The following MED12L variants were observed in gnomAD, a reference collection of about 807,000 sequenced individuals.
MED12L encodes the protein mediator complex subunit 12L, also known as mediator of RNA polymerase II transcription subunit 12-like protein.
A neutral mutation model predicts 281.3 loss-of-function variants in MED12L; 60 were observed. The observed-to-expected ratio is 0.21, with a 90% confidence interval of 0.17 to 0.26. The LOEUF (loss-of-function observed/expected upper bound fraction) is 0.26. Ranked by LOEUF, MED12L falls within the 10% of genes least tolerant of loss-of-function variation. The pLI, the probability that MED12L is intolerant of heterozygous loss-of-function variation, is 1.00. For missense variants in MED12L, 2,146 were observed against 2,680.9 expected, an observed-to-expected ratio of 0.80 and a Z score of 4.41; for synonymous variants, 974 against 987.2, an observed-to-expected ratio of 0.99 and a Z score of 0.25.
intron 16 of MED12L, among the ~76,000 whole-genome samples, chr3:151,266,659 T>G (rs989397079): frequency 3.3e-5 from 5 of 152,278 alleles, no homozygotes; most frequent in Admixed American, 6.5e-5. Context: ...GATGAGCAAG[T>G]GATATGAACA....
intron 16 of MED12L, among the ~76,000 whole-genome samples, chr3:151,202,469 G>A (rs890423601): frequency 1.1e-4 from 17 of 152,154 alleles, no homozygotes; most frequent in Admixed American, 6.5e-4. Context: ...TCAAGAGTTC[G>A]AGACCAGCCT....
At chr3:151,256,010 A>G (rs1192697174) in intron 16 of MED12L, among the ~76,000 whole-genome samples, 1 of 152,202 alleles carries the variant, frequency 6.6e-6, no homozygotes, top group African/African-American at 2.4e-5. Context: ...TCTTTTTACT[A>G]TGACAGGCTA....
At chr3:151,160,463 T>C (rs1325950913) in intron 8 of MED12L, among the ~76,000 whole-genome samples, 1 of 152,206 alleles carries the variant, frequency 6.6e-6, no homozygotes, top group East Asian at 1.9e-4. Flanking sequence ...TTGGGTTGGT[T>C]GCCTGTCTGT....
At chr3:151,104,381 C>A (rs1240031250) in intron 2 of MED12L, among the ~76,000 whole-genome samples, 26 of 152,254 alleles carry the variant, frequency 1.7e-4, no homozygotes, top group African/African-American at 5.8e-4. Flanking sequence ...TCTTCCCCAG[C>A]CTCCTTTAAA....
chr3:151,434,725 CTTT>C lies in MED12L; in HGVS notation c.*1922_*1924del, dbSNP rs1719905686. The stretch of plus-strand genomic sequence containing the variant: ...TCCATCATTATTTCTTTCCAAATTT[CTTT>C]GCCAGTTCAGTTTGAACCATATATT... On this transcript the variant is annotated 3_prime_UTR_variant, in exon 45 of 45. Transcript: ENST00000687756. 6.6e-6 allele frequency: 1 copy of C among 152,182 alleles called. No homozygotes were observed. Among genetic ancestry groups the C allele is most frequent in the Admixed American group, 6.5e-5 (1 of 15,282 alleles). 9.4% of individuals were successfully genotyped at this position (152,182 alleles called of 1,614,324 possible). A position where few individuals can be genotyped will look rare whatever the true frequency, so the allele number is the denominator to read the frequency against.
intron 8 of MED12L, among the ~76,000 whole-genome samples, chr3:151,160,458 T>C (rs1221444116): frequency 6.6e-6 from 1 of 152,182 alleles, no homozygotes; most frequent in African/African-American, 2.4e-5. Context: ...ACATCTTGGG[T>C]TGGTTGCCTG....
chr3:151,398,340 T>A lies in MED12L; in HGVS notation c.5820+3473T>A, dbSNP rs116250595. 7.6e-3 allele frequency among the ~76,000 whole-genome samples: 1,154 copies of A among 152,296 alleles called. 14 individuals carry two copies. Among genetic ancestry groups the A allele is most frequent in the African/African-American group, 0.027 (1,117 of 41,554 alleles). ...ACAGAGTCCCCTTATCCTCTTTCTG[T>A]CTAGTGGGGGAAGTTGGCATATGCA... On this transcript the variant is annotated intron_variant, in intron 39 of 44. Transcript: ENST00000687756.
intron 11 of MED12L, among the ~76,000 whole-genome samples, chr3:151,178,181 A>AGAAAAAAAG (rs1722301971): frequency 1.3e-5 from 2 of 149,332 alleles, no homozygotes; most frequent in African/African-American, 5.0e-5. Context: ...AAAAAAAAAA[A>AGAAAAAAAG]AAAGAAAGTG....
intron 16 of MED12L, chr3:151,248,715 A>C (rs965740833): frequency 1.7e-4 from 26 of 152,178 alleles, no homozygotes; most frequent in Admixed American, 6.6e-5. Context: ...TTATTACTTG[A>C]ATTTGGAAAA....
chr3:151,254,536 T>C (rs1737464448), intron 16 of MED12L, among the ~76,000 whole-genome samples: 1 of 152,234 alleles, frequency 6.6e-6, no homozygotes. Flanking sequence ...TGTTAGCTGT[T>C]ATTATTTCAA....
chr3:151,315,578 G>A (rs1426031878), intron 16 of MED12L, among the ~76,000 whole-genome samples: 1 of 152,202 alleles, frequency 6.6e-6, no homozygotes, highest in African/African-American at 2.4e-5. Flanking sequence ...AGAAACAAGA[G>A]TCTGAGGATG....
At chr3:151,198,610 G>A in intron 16 of MED12L, 1 of 1,613,794 alleles carries the variant, frequency 6.2e-7, no homozygotes, top group African/African-American at 1.3e-5. Flanking sequence ...GTGAAATCCT[G>A]GTTGAGCAAT....
chr3:151,391,955 T>G (rs1714288725), intron 38 of MED12L, among the ~76,000 whole-genome samples: 1 of 152,342 alleles, frequency 6.6e-6, no homozygotes, highest in South Asian at 2.1e-4. Context: ...CTCTTTTTAA[T>G]GCCACGGTCC....
chr3:151,291,150 G>GTTTTTTTTTTTTTTT (rs59482240), intron 16 of MED12L, among the ~76,000 whole-genome samples: 2 of 127,556 alleles, frequency 1.6e-5, no homozygotes, highest in African/African-American at 5.7e-5. Context: ...CTTGTTTTCT[G>GTTTTTTTTTTTTTTT]TTTTTTTTTT....
Position 151,376,150 on chromosome 3 carries a change from A to G in MED12L, c.3989A>G (p.His1330Arg). The G allele has an allele frequency of 6.2e-7, 1 of 1,610,046 alleles. No homozygotes were observed. The highest frequency in any genetic ancestry group is 1.1e-5 in the South Asian group (1 of 90,390). The change falls in exon 28 of 45, where the codon CAT becomes CGT. Residue 1330 changes from histidine (H) to arginine (R), a missense_variant. Physicochemically the swap from His to Arg is conservative, Grantham distance 29. Around this residue, in one of 9 missense-constraint regions of MED12L, gnomAD observed 235 missense variants for 260.3 expected, o/e 0.90. Coordinates refer to ENST00000687756, the MANE Select transcript of MED12L (RefSeq NM_001393769.1). ...TTACTGCAGCTTATCTGTTATCCTC[A>G]TGGCATTAAAGAATGTACCGAGGGG... is the stretch of plus-strand genomic sequence containing the variant. Reference protein sequence around the residue: ...QKLLQLICYPHGIKECTEGDN... With the variant: ...QKLLQLICYPRGIKECTEGDN...
At chr3:151,303,789 A>G (rs28550804) in intron 16 of MED12L, among the ~76,000 whole-genome samples, 1 of 152,150 alleles carries the variant, frequency 6.6e-6, no homozygotes, top group African/African-American at 2.4e-5. Flanking sequence ...CAAAAAACCC[A>G]AAACCACACA....
chr3:151,136,583 T>C (rs367616786), intron 5 of MED12L, among the ~76,000 whole-genome samples: 137 of 152,292 alleles, frequency 9.0e-4, no homozygotes, highest in Non-Finnish European at 1.7e-3. Flanking sequence ...AATGGGGCTA[T>C]TGGGGGTGAG....
At chr3:151,275,394 A>G (rs545772020) in intron 16 of MED12L, among the ~76,000 whole-genome samples, 1 of 152,302 alleles carries the variant, frequency 6.6e-6, no homozygotes, top group African/African-American at 2.4e-5. Context: ...GGGTCAGAAC[A>G]TGATATCTAA....
At chr3:151,163,472 T>C (rs1199501151) in intron 8 of MED12L, among the ~76,000 whole-genome samples, 1 of 152,148 alleles carries the variant, frequency 6.6e-6, no homozygotes, top group Non-Finnish European at 1.5e-5. Context: ...TACTATTACA[T>C]GATTATTTGA....
Sources: gnomAD v4.1 joint callset for allele counts (sites outside exome capture counted in the v4.1 genomes callset) on GRCh38, gnomAD v4.1.1 for gene constraint, gnomAD v4.1.1 regional missense constraint, MANE v1.5 for transcripts, NCBI Gene and HGNC (gene_info 2026-07-23, HGNC 2026-07-21) for gene names.